EI24: variants seen among roughly 807,000 people sequenced by gnomAD.
The protein encoded by EI24 is etoposide-induced protein 2.4 homolog.
In EI24, 21 loss-of-function variants were observed where a neutral mutation model predicts 48.6. The ratio of observed to expected loss-of-function variants is 0.43; its 90% CI spans 0.31 to 0.62. EI24 has a LOEUF of 0.62. EI24 is among the 20% of genes least tolerant of loss of function. The pLI, the probability that EI24 is intolerant of heterozygous loss-of-function variation, is 0.10. For missense variants in EI24, 280 were observed against 410.5 expected (o/e 0.68, Z 2.75); for synonymous variants, 114 against 145.5 (o/e 0.78, Z 1.56).
rs551704338 is a variant in EI24 at position 125,569,488 on chromosome 11, A to T, written c.-156A>T. 1 of 383,572 alleles carries T rather than the reference A, an allele frequency of 2.6e-6. No homozygotes were observed. The highest frequency in any genetic ancestry group is 4.6e-6 in the Non-Finnish European group (1 of 216,434). 23.8% of individuals were successfully genotyped at this position (383,572 alleles called of 1,614,324 possible). On this transcript the variant is annotated 5_prime_UTR_variant, in exon 1 of 11. Coordinates refer to ENST00000278903, the MANE Select transcript of EI24 (RefSeq NM_004879.5). Reference sequence around the variant, plus strand: ...GCCCGGGCATGCCCAGTGCGGGCGCAGCGGCCCCGGCCCTGGAAGCGCCCC... The same window carrying T: ...GCCCGGGCATGCCCAGTGCGGGCGCTGCGGCCCCGGCCCTGGAAGCGCCCC...
intron 1 of EI24, chr11:125,569,812 CACCTCGCGTGATCCGT>C (rs924726390): frequency 1.8e-4 from 48 of 259,856 alleles, no homozygotes; most frequent in African/African-American, 6.7e-4. Context: ...GCGTGATCCG[CACCTCGCGTGATCCGT>C]ACCTCGTGCA....
At chr11:125,571,925 A>C (rs1375218445) in intron 1 of EI24, among the ~76,000 whole-genome samples, 2 of 152,188 alleles carry the variant, frequency 1.3e-5, no homozygotes, top group African/African-American at 4.8e-5. Flanking sequence ...TTTGGTACGC[A>C]ATTTCATGTC....
At chr11:125,571,788 G>A (rs1227907258) in intron 1 of EI24, among the ~76,000 whole-genome samples, 1 of 152,148 alleles carries the variant, frequency 6.6e-6, no homozygotes, top group East Asian at 1.9e-4. Flanking sequence ...TGAGGCAAGA[G>A]AATCACTTGA....
chr11:125,572,607 CTTTTT>C, intron 2 of EI24, 38 bp downstream of exon 2: 1 of 1,386,322 alleles, frequency 7.2e-7, no homozygotes, highest in Non-Finnish European at 9.9e-7. Flanking sequence ...ATCTCTCGGC[CTTTTT>C]TTTTTTTGCT....
At chr11:125,580,390 A>C (rs1591360044) in intron 8 of EI24, among the ~76,000 whole-genome samples, 186 bp downstream of exon 8, 1 of 152,074 alleles carries the variant, frequency 6.6e-6, no homozygotes, top group African/African-American at 2.4e-5. Context: ...AGGCTGGGGG[A>C]TGTGGTAGTA....
At chr11:125,582,641 A>T (rs1939061944) in intron 10 of EI24, among the ~76,000 whole-genome samples, 1 of 152,244 alleles carries the variant, frequency 6.6e-6, no homozygotes, top group African/African-American at 2.4e-5. Flanking sequence ...CCCATTATAC[A>T]TATTCAAGTA....
chr11:125,573,572 G>A (rs1206347859), intron 2 of EI24: 2 of 304,026 alleles, frequency 6.6e-6, no homozygotes, highest in Non-Finnish European at 6.8e-6. Flanking sequence ...TGGTACCAGT[G>A]CACTATAGCA....
rs1411448103 is a variant in EI24, at chr11:125,575,382, C to T, written c.162C>T (p.Ala54=). 3.1e-6 allele frequency: 5 copies of T among 1,594,432 alleles called. No individual in the cohort carries two copies. Among genetic ancestry groups the T allele is most frequent in the Non-Finnish European group, 4.3e-6 (5 of 1,170,406 alleles). ...RASSVLAQRR[A]QSIERKQESE... ...GTAGTGTCTTGGCACAGAGAAGAGCCCAGAGTATAGAGCGGAAGCAAGAGA... is the reference window on the plus strand; with the variant it reads ...GTAGTGTCTTGGCACAGAGAAGAGCTCAGAGTATAGAGCGGAAGCAAGAGA... The change falls in exon 3 of 11, where the codon GCC becomes GCT. Residue 54 remains alanine, a synonymous_variant. Transcript: ENST00000278903.
chr11:125,579,817 C>A, intron 7 of EI24, among the ~76,000 whole-genome samples: 1 of 152,084 alleles, frequency 6.6e-6, no homozygotes, highest in East Asian at 1.9e-4. Flanking sequence ...CAGGCACATG[C>A]CATCATGCTC....
intron 5 of EI24, 99 bp from the exon 6 acceptor site, chr11:125,578,034 C>G: frequency 7.0e-7 from 1 of 1,426,596 alleles, no homozygotes; most frequent in Non-Finnish European, 9.7e-7. Flanking sequence ...CTAGAAAGAT[C>G]CAGGAGGAGA....
chr11:125,582,223 G>T, intron 9 of EI24, 123 bp from the exon 10 acceptor site: 1 of 839,790 alleles, frequency 1.2e-6, no homozygotes, highest in East Asian at 2.9e-5. Flanking sequence ...TTGAAATATT[G>T]AGGTTTCATC....
intron 7 of EI24, 73 bp from the exon 8 acceptor site, chr11:125,580,020 T>C (rs923653671): frequency 5.0e-6 from 6 of 1,191,328 alleles, no homozygotes; most frequent in South Asian, 2.5e-5. Flanking sequence ...CAGACAGTGA[T>C]TGGAGAGTGA....
rs148259604 is a variant in EI24 at position 125,570,841 on chromosome 11, A to G, written c.-71+1268A>G. On this transcript the variant is annotated intron_variant, in intron 1 of 10. Coordinates refer to ENST00000278903, the MANE Select transcript of EI24 (RefSeq NM_004879.5). ...GTCTTTACAAACTAGTGTCGTGCAT[A>G]TCACTGAGCCTTTGCTAGTTATCTA... 2.8e-3 allele frequency among the ~76,000 whole-genome samples: 424 copies of G among 152,284 alleles called. 1 individual carries two copies. Among genetic ancestry groups the G allele is most frequent in the Middle Eastern group, 0.014 (4 of 294 alleles).
In EI24 at chr11:125,584,229, C is replaced by CAAAAAAAAAAAAAAA. The variant is rs71045108; in HGVS notation, c.*565_*579dup. 8.1e-5 allele frequency: 4 copies of CAAAAAAAAAAAAAAA among 49,688 alleles called. No individual in the cohort carries two copies. The highest frequency in any genetic ancestry group is 8.0e-4 in the East Asian group (1 of 1,252). 3.1% of individuals were successfully genotyped at this position (49,688 alleles called of 1,614,324 possible). A position where few individuals can be genotyped will look rare whatever the true frequency, so the allele number is the denominator to read the frequency against. On this transcript the variant is annotated 3_prime_UTR_variant, in exon 11 of 11. Coordinates refer to ENST00000278903, the MANE Select transcript of EI24 (RefSeq NM_004879.5). ...GGTTTTGGTCTCTCTTGCTCCACTGCAAAAAAAAAAAAAAAAAAAAAAAAA... is the reference window on the plus strand; with the variant it reads ...GGTTTTGGTCTCTCTTGCTCCACTGCAAAAAAAAAAAAAAAAAAAAAAAAAAAAAAAAAAAAAAAA...
Position 125,573,429 on chromosome 11 carries a change from CT to C in EI24, c.42+863del, listed in dbSNP as rs145527014. On this transcript the variant is annotated intron_variant, in intron 2 of 10. Coordinates refer to ENST00000278903, the MANE Select transcript of EI24 (RefSeq NM_004879.5). ...AATTCTTGGAGTGGGGAGGTTCTTTCTTTAGTGGAAGAGTTTAAAAGGTTAC... is the reference window on the plus strand; with the variant it reads ...AATTCTTGGAGTGGGGAGGTTCTTTCTTAGTGGAAGAGTTTAAAAGGTTAC... 8.1e-3 allele frequency: 1,632 copies of C among 201,752 alleles called. 29 individuals carry two copies. The highest frequency in any genetic ancestry group is 0.035 in the African/African-American group (1,510 of 43,136). The allele number at this position is 201,752 out of a possible 1,614,324, so 12.5% of individuals were successfully genotyped here. A position where few individuals can be genotyped will look rare whatever the true frequency, so the allele number is the denominator to read the frequency against.
chr11:125,575,227 A>C, intron 2 of EI24, 36 bp from the exon 3 acceptor site: 1 of 1,492,028 alleles, frequency 6.7e-7, no homozygotes. Context: ...ACCCTGTCTC[A>C]AATAATAATA....
In EI24 at chr11:125,583,586, T is replaced by C; in HGVS notation, c.926T>C (p.Val309Ala). 1.9e-6 allele frequency: 3 copies of C among 1,612,784 alleles called. No homozygotes were observed. The highest frequency in any genetic ancestry group is 1.1e-5 in the South Asian group (1 of 90,948). The change falls in exon 11 of 11, where the codon GTC (valine) becomes GCC (alanine). Residue 309 changes from valine (V) to alanine (A), a missense_variant. Physicochemically the swap from Val to Ala is moderately conservative, Grantham distance 64. Transcript: ENST00000278903. ...FLSNRLFHKT[V>A]YLQSALSSST... ...AGCAACAGACTCTTCCACAAGACAGTCTACCTGCAGTCGGCCCTGAGCAGC... is the reference window on the plus strand; with the variant it reads ...AGCAACAGACTCTTCCACAAGACAGCCTACCTGCAGTCGGCCCTGAGCAGC...
intron 7 of EI24, 120 bp from the exon 8 acceptor site, chr11:125,579,973 C>T: frequency 2.5e-6 from 2 of 803,472 alleles, no homozygotes; most frequent in African/African-American, 3.4e-5. Context: ...CTGCACTCGG[C>T]CTTTTAGAAA....
In EI24 at chr11:125,581,633, G is replaced by A. The variant is rs180810298; in HGVS notation, c.785+311G>A. 3.5e-3 allele frequency among the ~76,000 whole-genome samples: 435 copies of A among 124,460 alleles called. 3 individuals are homozygous for A. The highest frequency in any genetic ancestry group is 0.013 in the East Asian group (47 of 3,604). 81.7% of individuals were successfully genotyped at this position (124,460 alleles called of 152,430 possible). A position where few individuals can be genotyped will look rare whatever the true frequency, so the allele number is the denominator to read the frequency against. On this transcript the variant is annotated intron_variant, in intron 9 of 10. Transcript: ENST00000278903. ...GTAATCTCAGCTCACTGCAACCTCC[G>A]CCTCCTGGGTTTAACTGATTCTCCT... is the stretch of plus-strand genomic sequence containing the variant.
Sources: allele counts gnomAD v4.1 joint callset (sites outside exome capture counted in the v4.1 genomes callset), GRCh38; gene constraint gnomAD v4.1.1; transcripts MANE v1.5; gene names NCBI Gene and HGNC (gene_info 2026-07-23, HGNC 2026-07-21).